SCLT1: variants seen among roughly 807,000 people sequenced by gnomAD.
The protein encoded by SCLT1 is sodium channel-associated protein 1.
SCLT1 carries 78 observed loss-of-function variants against 112.8 expected under a neutral mutation model. The ratio of observed to expected loss-of-function variants is 0.69; its 90% CI spans 0.58 to 0.83. The LOEUF (loss-of-function observed/expected upper bound fraction) is 0.83, where lower values mean the gene tolerates loss of function less well. Among genes scored for constraint, SCLT1 ranks in the 40% least tolerant of loss-of-function variants. The probability of loss-of-function intolerance (pLI) is 0.00; values close to 1 mark genes in which losing one functional copy is unlikely to be tolerated. For synonymous variants in SCLT1, 257 were observed against 254.7 expected, an observed-to-expected ratio of 1.01 and a Z score of -0.09; for missense variants, 747 against 770.4, an observed-to-expected ratio of 0.97 and a Z score of 0.36.
intron 1 of SCLT1, among the ~76,000 whole-genome samples, chr4:129,085,544 C>A (rs567269480): frequency 2.6e-5 from 4 of 152,138 alleles, no homozygotes; most frequent in Non-Finnish European, 5.9e-5. Flanking sequence ...AATCATTCTA[C>A]CACAAAGACA....
intron 18 of SCLT1, among the ~76,000 whole-genome samples, chr4:128,933,757 A>G (rs1170390397): frequency 1.3e-5 from 2 of 152,122 alleles, no homozygotes; most frequent in African/African-American, 4.8e-5. Flanking sequence ...CTACAAGTTT[A>G]TTCAATTTGA....
Position 128,943,129 on chromosome 4 carries a change from T to TC in SCLT1, c.1498dup (p.Glu500GlyfsTer3). 6.2e-7 allele frequency: 1 copy of TC among 1,612,282 alleles called. No individual in the cohort carries two copies. Among genetic ancestry groups the TC allele is most frequent in the Middle Eastern group, 1.7e-4 (1 of 6,054 alleles). On this transcript the variant is annotated frameshift_variant, in exon 17 of 21. Transcript: ENST00000281142. LOFTEE classifies it high-confidence loss of function. ...AAGCCCACAGTTCTCTCTCTCAGACTCCAATACATTTTGAAGTTTCTGAAT... is the reference window on the plus strand; with the variant it reads ...AAGCCCACAGTTCTCTCTCTCAGACTCCCAATACATTTTGAAGTTTCTGAAT...
chr4:128,956,609 C>T (rs1739234082), intron 13 of SCLT1, among the ~76,000 whole-genome samples: 2 of 152,156 alleles, frequency 1.3e-5, no homozygotes, highest in African/African-American at 4.8e-5. Flanking sequence ...TGTACAGTGG[C>T]TTTATGGAAA....
chr4:129,053,381 TC>T (rs1340044371), intron 2 of SCLT1, among the ~76,000 whole-genome samples: 3 of 152,050 alleles, frequency 2.0e-5, no homozygotes, highest in Non-Finnish European at 2.9e-5. Flanking sequence ...TTTGTAAGTC[TC>T]TAAGAACCTG....
chr4:128,998,622 T>C (rs1392929904), intron 7 of SCLT1, among the ~76,000 whole-genome samples: 2 of 151,840 alleles, frequency 1.3e-5, no homozygotes, highest in African/African-American at 4.8e-5. Flanking sequence ...GTGGGCTTAG[T>C]TGATTGACCT....
At chr4:129,062,099 T>C (rs1750040074) in intron 2 of SCLT1, among the ~76,000 whole-genome samples, 1 of 152,112 alleles carries the variant, frequency 6.6e-6, no homozygotes, top group Non-Finnish European at 1.5e-5. Flanking sequence ...AAGGAGTTAA[T>C]GCAGGCTGCT....
chr4:128,957,209 T>C, intron 12 of SCLT1, 85 bp from the exon 13 acceptor site: 1 of 692,900 alleles, frequency 1.4e-6, no homozygotes, highest in East Asian at 2.9e-5. Context: ...ACTAGTCACT[T>C]CCTTATTCAA....
intron 1 of SCLT1, among the ~76,000 whole-genome samples, chr4:129,091,397 G>A (rs1435246263): frequency 6.6e-6 from 1 of 151,780 alleles, no homozygotes; most frequent in Non-Finnish European, 1.5e-5. Context: ...ATGTTACTAT[G>A]CTTCAGTTGT....
At position 128,891,137 on chromosome 4, in the gene SCLT1, C is replaced by A. The variant is rs762147543; in HGVS notation, c.1830G>T (p.Lys610Asn). The change falls in exon 19 of 21, where the codon AAG becomes AAT. Residue 610 changes from lysine (K) to asparagine (N), a missense_variant and splice_region_variant. Physicochemically the swap from Lys to Asn is moderately conservative, Grantham distance 94. Transcript: ENST00000281142. ...GAAGTTTCTGTCGACTCAGCTCACT[C>A]CTATTAAGAGCACCAAAAAATCCAT... Reference protein sequence around the residue: ...ESAEIRINNLKSELSRQKLHT... With the variant: ...ESAEIRINNLNSELSRQKLHT... The A allele has an allele frequency of 1.2e-6, 2 of 1,608,926 alleles. No individual in the cohort carries two copies. Among genetic ancestry groups the A allele is most frequent in the East Asian group, 4.5e-5 (2 of 44,788 alleles).
chr4:129,018,775 AT>A (rs1579718830), intron 5 of SCLT1, among the ~76,000 whole-genome samples: 4 of 152,240 alleles, frequency 2.6e-5, no homozygotes, highest in South Asian at 4.1e-4. Flanking sequence ...ATGATTCCTT[AT>A]TTTACTAACT....
chr4:129,054,448 C>T (rs1046845391), intron 2 of SCLT1, among the ~76,000 whole-genome samples: 7 of 152,058 alleles, frequency 4.6e-5, no homozygotes, highest in Non-Finnish European at 7.4e-5. Flanking sequence ...TTGGTCCTTG[C>T]TTTTCATTCT....
intron 19 of SCLT1, 94 bp from the exon 20 acceptor site, chr4:128,888,868 C>T: frequency 1.7e-6 from 1 of 605,412 alleles, no homozygotes; most frequent in Non-Finnish European, 2.9e-6. Context: ...CATCACTTTA[C>T]CACTTATAAA....
chr4:129,045,223 G>GT (rs1748075748), intron 2 of SCLT1, among the ~76,000 whole-genome samples: 2 of 151,994 alleles, frequency 1.3e-5, no homozygotes, highest in Admixed American at 1.3e-4. Flanking sequence ...TGTCTGTTTT[G>GT]TTTGCAAATA....
intron 14 of SCLT1, among the ~76,000 whole-genome samples, chr4:128,949,005 A>G (rs1738452787): frequency 6.6e-6 from 1 of 152,214 alleles, no homozygotes; most frequent in Non-Finnish European, 1.5e-5. Flanking sequence ...CAAAAATTAC[A>G]GCCAACAGAA....
chr4:128,982,796 C>T (rs1378964867), intron 9 of SCLT1, among the ~76,000 whole-genome samples: 1 of 152,108 alleles, frequency 6.6e-6, no homozygotes, highest in Non-Finnish European at 1.5e-5. Flanking sequence ...GCTACCGCAC[C>T]TGGCCAGCTA....
rs528905688 is a variant in SCLT1 at position 129,053,557 on chromosome 4, A to ATTTTTTTTTTTTTTTTT, written c.103-9523_103-9507dup. On this transcript the variant is annotated intron_variant, in intron 2 of 20. Coordinates refer to ENST00000281142, the MANE Select transcript of SCLT1 (RefSeq NM_144643.4). ...TTAGAGACTAGGATTGCAATCCCTGATTTTTTTTTTTTTTTTTTTTTTTTT... is the reference window on the plus strand; with the variant it reads ...TTAGAGACTAGGATTGCAATCCCTGATTTTTTTTTTTTTTTTTTTTTTTTTTTTTTTTTTTTTTTTTT... Among the ~76,000 whole-genome samples, 151 of 45,228 alleles carry ATTTTTTTTTTTTTTTTT rather than the reference A, an allele frequency of 3.3e-3. 27 individuals carry two copies. Among genetic ancestry groups the ATTTTTTTTTTTTTTTTT allele is most frequent in the East Asian group, 3.7e-3 (5 of 1,348 alleles). 29.7% of individuals were successfully genotyped at this position (45,228 alleles called of 152,430 possible).
intron 1 of SCLT1, among the ~76,000 whole-genome samples, chr4:129,085,922 G>A (rs1752356812): frequency 6.6e-6 from 1 of 151,948 alleles, no homozygotes; most frequent in Non-Finnish European, 1.5e-5. Flanking sequence ...CTTAATACCT[G>A]GGTGACAAAA....
At chr4:129,006,342 A>T (rs2126094272) in intron 5 of SCLT1, among the ~76,000 whole-genome samples, 1 of 152,124 alleles carries the variant, frequency 6.6e-6, no homozygotes, top group East Asian at 1.9e-4. Flanking sequence ...GTTCGAGACC[A>T]GCCTGGCCAA....
At chr4:129,005,275 C>G (rs1333634093) in intron 5 of SCLT1, among the ~76,000 whole-genome samples, 2 of 152,028 alleles carry the variant, frequency 1.3e-5, no homozygotes, top group South Asian at 4.2e-4. Flanking sequence ...ATCAATTATC[C>G]TAATCCTTTA....
Sources: allele counts gnomAD v4.1 joint callset (sites outside exome capture counted in the v4.1 genomes callset), GRCh38; gene constraint gnomAD v4.1.1; transcripts MANE v1.5; gene names NCBI Gene and HGNC (gene_info 2026-07-23, HGNC 2026-07-21).